BMPR2: variants seen among roughly 807,000 people sequenced by gnomAD.
BMPR2 encodes the protein bone morphogenetic protein receptor type 2, also known as bone morphogenetic protein receptor type-2.
In BMPR2, 29 loss-of-function variants were observed where a neutral mutation model predicts 100.8. The observed-to-expected ratio is 0.29, with a 90% CI of 0.21 to 0.39. The LOEUF is 0.39. BMPR2 is among the 10% of genes least tolerant of loss of function. The pLI is 1.00. For synonymous variants in BMPR2, 382 were observed against 442.3 expected, an observed-to-expected ratio of 0.86 and a Z score of 1.71; for missense variants, 1,011 against 1,274.5, an observed-to-expected ratio of 0.79 and a Z score of 3.15.
intron 10 of BMPR2, among the ~76,000 whole-genome samples, chr2:202,544,233 C>G (rs150331697): frequency 4.7e-4 from 72 of 152,224 alleles, no homozygotes; most frequent in Non-Finnish European, 8.5e-4. Flanking sequence ...TTAGGCTATA[C>G]TCAGAAGCGC....
chr2:202,378,160 A>G (rs969702311), intron 1 of BMPR2, among the ~76,000 whole-genome samples: 5 of 152,202 alleles, frequency 3.3e-5, no homozygotes, highest in Admixed American at 6.5e-5. Flanking sequence ...GCATCTATCT[A>G]TTGGCTTTGC....
At chr2:202,472,278 A>G (rs12468226) in intron 3 of BMPR2, among the ~76,000 whole-genome samples, 15,026 of 152,252 alleles carry the variant, frequency 0.099, 991 homozygotes, top group South Asian at 0.25. Context: ...ATTAGCTTCT[A>G]TTAGGAGATT....
chr2:202,479,013 C>T (rs572474567), intron 3 of BMPR2, among the ~76,000 whole-genome samples: 1 of 152,288 alleles, frequency 6.6e-6, no homozygotes, highest in African/African-American at 2.4e-5. Context: ...CCAATGATCC[C>T]TGCCTCCTGG....
At chr2:202,534,319 C>A (rs935787341) in intron 9 of BMPR2, among the ~76,000 whole-genome samples, 1 of 150,708 alleles carries the variant, frequency 6.6e-6, no homozygotes, top group Non-Finnish European at 1.5e-5. Context: ...GGGGATTTGG[C>A]TGGGTCATAG....
chr2:202,551,189 A>G lies in BMPR2; in HGVS notation c.1414-1527A>G, dbSNP rs369718533. ...TTGAATCATGTGGATGTTTAAAAAC[A>G]AACCTAGTCTGTTTTTAAAAAGGGA... On this transcript the variant is annotated intron_variant, in intron 10 of 12. Coordinates refer to ENST00000374580, the MANE Select transcript of BMPR2 (RefSeq NM_001204.7). Among the ~76,000 whole-genome samples, 31 of 151,922 alleles carry G rather than the reference A, an allele frequency of 2.0e-4. No homozygotes were observed. The East Asian group carries it at 4.6e-3, about 23-fold the overall frequency.
chr2:202,394,582 T>C (rs956713544), intron 1 of BMPR2, among the ~76,000 whole-genome samples: 2 of 152,140 alleles, frequency 1.3e-5, no homozygotes, highest in Non-Finnish European at 2.9e-5. Context: ...GAAAGGTAGA[T>C]ATTTTTCCTG....
chr2:202,447,610 T>G (rs1391080186), intron 1 of BMPR2, among the ~76,000 whole-genome samples: 1 of 150,470 alleles, frequency 6.6e-6, no homozygotes, highest in Non-Finnish European at 1.5e-5. Context: ...AGCCCATGAG[T>G]TTGAAGCTGC....
chr2:202,448,582 G>A (rs558354977), intron 1 of BMPR2, among the ~76,000 whole-genome samples: 8 of 150,842 alleles, frequency 5.3e-5, no homozygotes, highest in African/African-American at 1.5e-4. Flanking sequence ...TCAGCTTCCC[G>A]AGTAGCTGGA....
At chr2:202,547,658 C>T (rs1193973447) in intron 10 of BMPR2, among the ~76,000 whole-genome samples, 1 of 151,014 alleles carries the variant, frequency 6.6e-6, no homozygotes, top group Non-Finnish European at 1.5e-5. Flanking sequence ...TTGTGCATGC[C>T]TGTAATCCCA....
In BMPR2 at chr2:202,565,481, G is replaced by C. The variant is rs546195086; in HGVS notation, c.*5535G>C. ...TCAACCATCAGACCACCAGCAAATC[G>C]GCACTTAATTTTTGTGTTATCTAAC... On this transcript the variant is annotated 3_prime_UTR_variant, in exon 13 of 13. Coordinates refer to ENST00000374580, the MANE Select transcript of BMPR2 (RefSeq NM_001204.7). 5 of 152,492 alleles carry C rather than the reference G, an allele frequency of 3.3e-5. No homozygotes were observed. The highest frequency in any genetic ancestry group is 9.6e-5 in the African/African-American group (4 of 41,508). 9.4% of individuals were successfully genotyped at this position (152,492 alleles called of 1,614,324 possible). A position where few individuals can be genotyped will look rare whatever the true frequency, so the allele number is the denominator to read the frequency against.
In BMPR2 at chr2:202,391,054, G is replaced by A. The variant is rs563132702; in HGVS notation, c.76+13504G>A. 4.4e-5 allele frequency among the ~76,000 whole-genome samples: 6 copies of A among 136,700 alleles called. No individual in the cohort carries two copies. The South Asian group carries it at 7.4e-4, about 17-fold the overall frequency. 89.7% of individuals were successfully genotyped at this position (136,700 alleles called of 152,430 possible). A position where few individuals can be genotyped will look rare whatever the true frequency, so the allele number is the denominator to read the frequency against. ...GTTGCCCAGGCTGGGGTGCAATGGC[G>A]CAACCTCTGCCTCCCGGGTTCAAGT... On this transcript the variant is annotated intron_variant, in intron 1 of 12. Transcript: ENST00000374580.
chr2:202,419,967 A>C (rs915779239), intron 1 of BMPR2, among the ~76,000 whole-genome samples: 1 of 152,142 alleles, frequency 6.6e-6, no homozygotes, highest in Non-Finnish European at 1.5e-5. Flanking sequence ...TGGCCAACAT[A>C]GTGAGACCTC....
intron 1 of BMPR2, among the ~76,000 whole-genome samples, chr2:202,391,413 C>T (rs1445302336): frequency 6.6e-6 from 1 of 150,764 alleles, no homozygotes; most frequent in Non-Finnish European, 1.5e-5. Context: ...TCAAGTGATC[C>T]TCCCACCTCA....
intron 1 of BMPR2, among the ~76,000 whole-genome samples, chr2:202,401,553 T>TAA (rs1328933342): frequency 6.6e-6 from 1 of 152,252 alleles, no homozygotes; most frequent in East Asian, 1.9e-4. Context: ...TATAGGTTGT[T>TAA]AATCCTTAAT....
intron 9 of BMPR2, among the ~76,000 whole-genome samples, chr2:202,535,745 G>A (rs1688141593): frequency 6.6e-6 from 1 of 152,176 alleles, no homozygotes; most frequent in Non-Finnish European, 1.5e-5. Context: ...GCTGGGAGGT[G>A]GAGGTTGTAG....
At chr2:202,479,790 A>G (rs1272743728) in intron 3 of BMPR2, among the ~76,000 whole-genome samples, 1 of 152,086 alleles carries the variant, frequency 6.6e-6, no homozygotes, top group Admixed American at 6.5e-5. Flanking sequence ...CTTTTTGGTT[A>G]TAGTCATCCT....
In BMPR2 at chr2:202,530,854, A is replaced by G. The variant is rs1688010711; in HGVS notation, c.1028A>G (p.Asn343Ser). 3 of 1,613,916 alleles carry G rather than the reference A, an allele frequency of 1.9e-6. No homozygotes were observed. The highest frequency in any genetic ancestry group is 1.1e-5 in the South Asian group (1 of 91,090). The change falls in exon 8 of 13, where the codon AAT becomes AGT. Residue 343 changes from asparagine to serine, a missense_variant. Asn to Ser is a conservative substitution (Grantham distance 46). This residue lies in a region of BMPR2 where 355 missense variants were observed against 455.3 expected (regional missense o/e 0.78). Coordinates refer to ENST00000374580, the MANE Select transcript of BMPR2 (RefSeq NM_001204.7). Reference sequence around the variant, plus strand: ...AACAGCAGAAATGTCCTAGTGAAAAATGATGGAACCTGTGTTATTAGTGAC... The same window carrying G: ...AACAGCAGAAATGTCCTAGTGAAAAGTGATGGAACCTGTGTTATTAGTGAC... Reference protein sequence around the residue: ...DLNSRNVLVKNDGTCVISDFG... With the variant: ...DLNSRNVLVKSDGTCVISDFG...
At chr2:202,557,040 A>G (rs904237723) in intron 12 of BMPR2, among the ~76,000 whole-genome samples, 1 of 151,164 alleles carries the variant, frequency 6.6e-6, no homozygotes, top group Non-Finnish European at 1.5e-5. Context: ...AAATAAAATA[A>G]ACCATTTGGG....
chr2:202,567,396 T>A lies in BMPR2; in HGVS notation c.*7450T>A, dbSNP rs1688781709. The A allele has an allele frequency of 6.5e-6, 1 of 152,680 alleles. No individual in the cohort carries two copies. Among genetic ancestry groups the A allele is most frequent in the Non-Finnish European group, 1.5e-5 (1 of 68,046 alleles). 9.5% of individuals were successfully genotyped at this position (152,680 alleles called of 1,614,324 possible). A position where few individuals can be genotyped will look rare whatever the true frequency, so the allele number is the denominator to read the frequency against. ...TTTTGCTCTTACATTACAGATAGAC[T>A]ATCATATATGACTTTATGAATAATT... On this transcript the variant is annotated 3_prime_UTR_variant, in exon 13 of 13. Transcript: ENST00000374580.
Sources: gnomAD v4.1 joint callset for allele counts (sites outside exome capture counted in the v4.1 genomes callset) on GRCh38, gnomAD v4.1.1 for gene constraint, gnomAD v4.1.1 regional missense constraint, MANE v1.5 for transcripts, NCBI Gene and HGNC (gene_info 2026-07-23, HGNC 2026-07-21) for gene names.